The following PTPRZ1 variants were observed in gnomAD, a reference collection of about 807,000 sequenced individuals.
PTPRZ1 encodes the protein protein tyrosine phosphatase receptor type Z1, also known as receptor-type tyrosine-protein phosphatase zeta.
PTPRZ1 carries 82 observed loss-of-function variants against 214.1 expected under a neutral mutation model. The ratio of observed to expected loss-of-function variants is 0.38; its 90% CI spans 0.32 to 0.46. The LOEUF (loss-of-function observed/expected upper bound fraction) is 0.46. Ranked by LOEUF, PTPRZ1 falls within the 20% of genes least tolerant of loss-of-function variation. The probability of loss-of-function intolerance (pLI) is 1.00; values close to 1 mark genes in which losing one functional copy is unlikely to be tolerated. For synonymous variants in PTPRZ1, 945 were observed against 987.9 expected, an observed-to-expected ratio of 0.96 and a Z score of 0.81; for missense variants, 2,603 against 2,748.7, an observed-to-expected ratio of 0.95 and a Z score of 1.19.
chr7:122,009,548 T>A (rs1798586239), intron 11 of PTPRZ1, among the ~76,000 whole-genome samples: 1 of 151,764 alleles, frequency 6.6e-6, no homozygotes, highest in African/African-American at 2.4e-5. Context: ...TATATATACG[T>A]ATATGTATAT....
intron 13 of PTPRZ1, 38 bp downstream of exon 13, chr7:122,019,306 A>C (rs755831798): frequency 6.4e-7 from 1 of 1,570,882 alleles, no homozygotes; most frequent in African/African-American, 1.4e-5. Context: ...TTAATTCATA[A>C]AACTCAGATT....
chr7:121,934,469 C>T (rs1227084807), intron 2 of PTPRZ1, among the ~76,000 whole-genome samples: 3 of 94,272 alleles, frequency 3.2e-5, no homozygotes, highest in African/African-American at 1.3e-4. Flanking sequence ...GCCTGGGCAA[C>T]AAAGCGAGAC....
intron 11 of PTPRZ1, among the ~76,000 whole-genome samples, chr7:122,007,347 A>G (rs985820302): frequency 1.3e-5 from 2 of 152,168 alleles, no homozygotes; most frequent in Non-Finnish European, 2.9e-5. Flanking sequence ...GGAACCAGCT[A>G]CCACCACACA....
chr7:122,038,921 A>G, intron 19 of PTPRZ1, 32 bp downstream of exon 19: 1 of 1,609,134 alleles, frequency 6.2e-7, no homozygotes, highest in Non-Finnish European at 8.5e-7. Context: ...TCACCCCCAA[A>G]AAAGTAATTA....
At position 122,059,863 on chromosome 7, in the gene PTPRZ1, T is replaced by C. The variant is rs1792513317; in HGVS notation, c.6782T>C (p.Met2261Thr). The C allele has an allele frequency of 6.2e-7, 1 of 1,613,566 alleles. No individual in the cohort carries two copies. The highest frequency in any genetic ancestry group is 1.1e-5 in the South Asian group (1 of 91,042). Reference protein sequence around the residue: ...VYQVAKMINLMRPGVFADIEQ... With the variant: ...VYQVAKMINLTRPGVFADIEQ... ...CAGGTAGCCAAGATGATCAATCTGA[T>C]GAGGCCAGGAGTCTTTGCTGACATT... The change falls in exon 29 of 30, where the codon ATG (methionine) becomes ACG (threonine). Residue 2261 changes from methionine (M) to threonine (T), a missense_variant. Met to Thr is a moderately conservative substitution (Grantham distance 81). Around this residue, in one of 6 missense-constraint regions of PTPRZ1, gnomAD observed 165 missense variants for 151.4 expected, o/e 1.09. Coordinates refer to ENST00000393386, the MANE Select transcript of PTPRZ1 (RefSeq NM_002851.3).
At chr7:121,987,251 A>G (rs1208068545) in intron 8 of PTPRZ1, among the ~76,000 whole-genome samples, 2 of 151,872 alleles carry the variant, frequency 1.3e-5, no homozygotes, top group African/African-American at 4.8e-5. Flanking sequence ...TTCCCCTCAC[A>G]GAGTCTCAGC....
chr7:121,983,687 A>G lies in PTPRZ1; in HGVS notation c.642A>G (p.Pro214=), dbSNP rs1797684594. The G allele has an allele frequency of 1.9e-6, 3 of 1,613,588 alleles. No individual in the cohort carries two copies. The highest frequency in any genetic ancestry group is 2.2e-5 in the East Asian group (1 of 44,838). Residue 214 remains proline, a synonymous_variant, in exon 7 of 30, where the codon CCA becomes CCG. Coordinates refer to ENST00000393386, the MANE Select transcript of PTPRZ1 (RefSeq NM_002851.3). ...SRFGKQAALD[P]FILLNLLPNS... ...TAGGGAAGCAGGCTGCTTTAGATCC[A>G]TTCATACTGTTGAACCTTCTGCCAA...
intron 2 of PTPRZ1, among the ~76,000 whole-genome samples, chr7:121,952,250 G>A (rs1302811237): frequency 8.0e-6 from 1 of 125,314 alleles, no homozygotes; most frequent in African/African-American, 2.9e-5. Flanking sequence ...GAGTCACCGC[G>A]CCCGGTGAGT....
chr7:121,905,650 T>TACACACACACACACACACACAC (rs10528167), intron 1 of PTPRZ1, among the ~76,000 whole-genome samples: 8,736 of 145,156 alleles, frequency 0.06, 321 homozygotes, highest in East Asian at 0.091. Context: ...TTCTATTCTT[T>TACACACACACACACACACACAC]ACACACACAC....
intron 13 of PTPRZ1, among the ~76,000 whole-genome samples, chr7:122,022,033 A>G (rs1199187333): frequency 1.3e-5 from 2 of 152,224 alleles, no homozygotes; most frequent in South Asian, 2.1e-4. Flanking sequence ...TCACTAGCCA[A>G]TATATAAACA....
At chr7:122,024,885 AT>A (rs1485639317) in intron 13 of PTPRZ1, among the ~76,000 whole-genome samples, 14 of 152,112 alleles carry the variant, frequency 9.2e-5, no homozygotes, top group African/African-American at 3.1e-4. Context: ...TCCTCTATCG[AT>A]CCATCTGCCC....
In PTPRZ1 at chr7:122,011,188, T is replaced by C. The variant is rs765819535; in HGVS notation, c.2142T>C (p.Ser714=). The change falls in exon 12 of 30, where the codon TCT becomes TCC. Residue 714 remains serine (S), a synonymous_variant. Coordinates refer to ENST00000393386, the MANE Select transcript of PTPRZ1 (RefSeq NM_002851.3). ...SVTDLEMPHY[S]TFAYFPTEVT... ...CAGATCTGGAAATGCCACATTATTC[T>C]ACCTTTGCCTACTTCCCAACTGAGG... The C allele has an allele frequency of 5.0e-6, 8 of 1,614,036 alleles. No individual in the cohort carries two copies. Among genetic ancestry groups the C allele is most frequent in the South Asian group, 1.1e-5 (1 of 91,092 alleles).
At chr7:121,903,389 T>C (rs1385424755) in intron 1 of PTPRZ1, among the ~76,000 whole-genome samples, 3 of 152,104 alleles carry the variant, frequency 2.0e-5, no homozygotes, top group Non-Finnish European at 4.4e-5. Context: ...AATGAAAAAA[T>C]GGGAGAGATG....
chr7:121,974,992 T>C (rs1797384573), intron 4 of PTPRZ1, among the ~76,000 whole-genome samples: 1 of 152,052 alleles, frequency 6.6e-6, no homozygotes, highest in African/African-American at 2.4e-5. Context: ...TTGAGACTAG[T>C]CTGGGCAACA....
At chr7:121,899,037 G>A (rs944249851) in intron 1 of PTPRZ1, among the ~76,000 whole-genome samples, 8 of 152,082 alleles carry the variant, frequency 5.3e-5, no homozygotes, top group Non-Finnish European at 1.0e-4. Context: ...CTATAATTTA[G>A]ATAAAATTTT....
At chr7:121,986,980 CA>C (rs905292209) in intron 8 of PTPRZ1, among the ~76,000 whole-genome samples, 7 of 152,080 alleles carry the variant, frequency 4.6e-5, no homozygotes, top group African/African-American at 1.7e-4. Flanking sequence ...GGAGAGGCTA[CA>C]AAACTCAGCA....
At chr7:122,039,940 C>A (rs1391792755) in intron 20 of PTPRZ1, among the ~76,000 whole-genome samples, 2 of 151,688 alleles carry the variant, frequency 1.3e-5, no homozygotes, top group East Asian at 3.9e-4. Context: ...TAAGATCATG[C>A]CACTGCACTC....
intron 21 of PTPRZ1, among the ~76,000 whole-genome samples, 160 bp downstream of exon 21, chr7:122,041,139 A>T (rs770849179): frequency 2.6e-5 from 4 of 152,238 alleles, no homozygotes; most frequent in Non-Finnish European, 4.4e-5. Context: ...TAGGAAATGA[A>T]CATGCCAGAC....
intron 15 of PTPRZ1, chr7:122,031,769 T>C: frequency 3.2e-6 from 1 of 313,632 alleles, no homozygotes; most frequent in Non-Finnish European, 5.8e-6. Flanking sequence ...AGCCAAGTTG[T>C]ACTGGTGGAA....
Sources: gnomAD v4.1 joint callset for allele counts (sites outside exome capture counted in the v4.1 genomes callset) on GRCh38, gnomAD v4.1.1 for gene constraint, gnomAD v4.1.1 regional missense constraint, MANE v1.5 for transcripts, NCBI Gene and HGNC (gene_info 2026-07-23, HGNC 2026-07-21) for gene names.